MROH2B: variants seen among roughly 807,000 people sequenced by gnomAD.
The protein encoded by MROH2B is maestro heat-like repeat-containing protein family member 2B.
MROH2B carries 177 observed loss-of-function variants against 208.6 expected under a neutral mutation model. The ratio of observed to expected loss-of-function variants is 0.85; its 90% CI spans 0.75 to 0.96. The LOEUF (loss-of-function observed/expected upper bound fraction) is 0.96, where lower values mean the gene tolerates loss of function less well. MROH2B is among the 40% of genes least tolerant of loss of function. MROH2B has a pLI of 0.00. For missense variants in MROH2B, 2,002 were observed against 1,878.7 expected (o/e 1.07, Z -1.21); for synonymous variants, 728 against 659.0 (o/e 1.10, Z -1.60).
chr5:41,058,332 A>G, intron 6 of MROH2B, 129 bp from the exon 7 acceptor site: 1 of 902,420 alleles, frequency 1.1e-6, no homozygotes, highest in South Asian at 3.0e-5. Context: ...ATAATTCTTT[A>G]AATTCTTTAA....
At chr5:41,018,056 A>G in intron 27 of MROH2B, 86 bp from the exon 28 acceptor site, 2 of 1,469,060 alleles carry the variant, frequency 1.4e-6, no homozygotes, top group Non-Finnish European at 1.8e-6. Context: ...CAAGTCTCTT[A>G]TTTTCTCTCT....
intron 5 of MROH2B, among the ~76,000 whole-genome samples, 171 bp from the exon 6 acceptor site, chr5:41,061,895 G>A (rs1271835041): frequency 6.6e-6 from 1 of 152,192 alleles, no homozygotes; most frequent in East Asian, 1.9e-4. Context: ...AAAGTGAAAT[G>A]CAAATTAAAA....
At chr5:41,000,005 G>T in intron 39 of MROH2B, 3 of 699,788 alleles carry the variant, frequency 4.3e-6, no homozygotes, top group Non-Finnish European at 7.1e-6. Flanking sequence ...GAACCAAGGA[G>T]AATATATCCC....
intron 6 of MROH2B, among the ~76,000 whole-genome samples, chr5:41,058,821 C>G (rs956801198): frequency 1.5e-4 from 23 of 151,752 alleles, no homozygotes; most frequent in African/African-American, 5.1e-4. Context: ...CCGAGGCAGG[C>G]GGATCGCCTG....
intron 9 of MROH2B, among the ~76,000 whole-genome samples, chr5:41,056,721 G>A (rs987125699): frequency 6.7e-6 from 1 of 149,486 alleles, no homozygotes; most frequent in Admixed American, 6.7e-5. Context: ...GAGATGACCA[G>A]GAAGAGAAAA....
At chr5:41,020,006 C>G (rs1187193099) in intron 24 of MROH2B, among the ~76,000 whole-genome samples, 1 of 152,040 alleles carries the variant, frequency 6.6e-6, no homozygotes, top group Non-Finnish European at 1.5e-5. Context: ...CCCTTGACAA[C>G]CACTGATTTG....
At chr5:41,059,422 A>C (rs1402998233) in intron 6 of MROH2B, among the ~76,000 whole-genome samples, 1 of 152,118 alleles carries the variant, frequency 6.6e-6, no homozygotes, top group Non-Finnish European at 1.5e-5. Flanking sequence ...ATGAATTTTA[A>C]TTTCTTAAAA....
At chr5:41,047,805 A>T in intron 16 of MROH2B, 41 bp from the exon 17 acceptor site, 8 of 1,536,142 alleles carry the variant, frequency 5.2e-6, no homozygotes, top group Non-Finnish European at 7.1e-6. Context: ...AAAAAACAAA[A>T]CCACCCCAAG....
chr5:41,016,498 G>GTTTTTTTTT (rs10689623), intron 28 of MROH2B, among the ~76,000 whole-genome samples: 19 of 80,794 alleles, frequency 2.4e-4, no homozygotes, highest in Non-Finnish European at 2.6e-4. Context: ...CTACTGTAAT[G>GTTTTTTTTT]TTTTTTTTTT....
At chr5:41,004,946 G>C in intron 35 of MROH2B, 26 bp from the exon 36 acceptor site, 1 of 1,610,366 alleles carries the variant, frequency 6.2e-7, no homozygotes, top group Non-Finnish European at 8.5e-7. Context: ...CACTCCTCCC[G>C]TTTAGTTAAG....
At chr5:41,034,080 A>T in intron 21 of MROH2B, 16 of 984,706 alleles carry the variant, frequency 1.6e-5, no homozygotes, top group Non-Finnish European at 1.8e-5. Context: ...CCCCCAGGTA[A>T]GTCATGAGTA....
chr5:41,016,498 G>GTTTTTTTTTTTTT lies in MROH2B; in HGVS notation c.2885-1033_2885-1021dup, dbSNP rs10689623. ...GGCATATTTCTGTTACTACTGTAATGTTTTTTTTTTTTTTTTTTTTTTTTG... is the reference window on the plus strand; with the variant it reads ...GGCATATTTCTGTTACTACTGTAATGTTTTTTTTTTTTTTTTTTTTTTTTTTTTTTTTTTTTTG... On this transcript the variant is annotated intron_variant, in intron 28 of 41. Coordinates refer to ENST00000399564, the MANE Select transcript of MROH2B (RefSeq NM_173489.5). Among the ~76,000 whole-genome samples, 5 of 80,778 alleles carry GTTTTTTTTTTTTT rather than the reference G, an allele frequency of 6.2e-5. 1 individual carries two copies. Among genetic ancestry groups the GTTTTTTTTTTTTT allele is most frequent in the East Asian group, 8.6e-4 (2 of 2,334 alleles). 53.0% of individuals were successfully genotyped at this position (80,778 alleles called of 152,430 possible). A position where few individuals can be genotyped will look rare whatever the true frequency, so the allele number is the denominator to read the frequency against.
chr5:41,022,503 G>C lies in MROH2B; in HGVS notation c.2442-3485C>G, dbSNP rs541400213. 3.3e-4 allele frequency among the ~76,000 whole-genome samples: 50 copies of C among 152,344 alleles called. 1 individual carries two copies. Among genetic ancestry groups the C allele is most frequent in the African/African-American group, 1.2e-3 (48 of 41,582 alleles). ...GCAAGGTGGCAGCGAGGCTGGGGGA[G>C]GGGCGCCCGCCATTGCTGAGGCTTG... is the stretch of plus-strand genomic sequence containing the variant. On this transcript the variant is annotated intron_variant, in intron 24 of 41. Transcript: ENST00000399564.
At chr5:41,065,080 G>C (rs1406848749) in intron 4 of MROH2B, among the ~76,000 whole-genome samples, 1 of 152,182 alleles carries the variant, frequency 6.6e-6, no homozygotes, top group East Asian at 1.9e-4. Context: ...ATGTGCTTCT[G>C]CAAATGCAAA....
chr5:41,026,313 A>T (rs1444532421), intron 24 of MROH2B, among the ~76,000 whole-genome samples: 4 of 152,230 alleles, frequency 2.6e-5, no homozygotes, highest in Non-Finnish European at 2.9e-5. Context: ...AAATCTACTT[A>T]AGCTGATAAG....
In MROH2B at chr5:41,007,382, C is replaced by G; in HGVS notation, c.3681G>C (p.Glu1227Asp). 1.3e-6 allele frequency: 2 copies of G among 1,553,228 alleles called. No homozygotes were observed. The highest frequency in any genetic ancestry group is 1.7e-6 in the Non-Finnish European group (2 of 1,147,418). Residue 1227 changes from glutamate (E) to aspartate (D), a missense_variant, in exon 34 of 42, where the codon GAG becomes GAC. Coordinates refer to ENST00000399564, the MANE Select transcript of MROH2B (RefSeq NM_173489.5). ...TGAGTAGAGTCCATAAGTTGTCCCC[C>G]TCATCAGATTCCTTTGCAAGGCCTT... is the stretch of plus-strand genomic sequence containing the variant. ...MREGLAKESD[E>D]GDNLWTLLSS...
chr5:41,000,936 G>A (rs1579895946), intron 37 of MROH2B, 103 bp from the exon 38 acceptor site: 1 of 1,315,120 alleles, frequency 7.6e-7, no homozygotes, highest in Non-Finnish European at 1.0e-6. Context: ...AGCAAAAGAA[G>A]GCTGGAACCC....
At chr5:41,007,140 C>G (rs956015485) in intron 34 of MROH2B, among the ~76,000 whole-genome samples, 174 bp downstream of exon 34, 3 of 152,154 alleles carry the variant, frequency 2.0e-5, no homozygotes, top group East Asian at 3.9e-4. Context: ...GTGTGTGGGG[C>G]TGATCTTACC....
chr5:41,042,104 C>T lies in MROH2B; in HGVS notation c.1941G>A (p.Gly647=). 1.3e-6 allele frequency: 2 copies of T among 1,584,934 alleles called. No homozygotes were observed. The highest frequency in any genetic ancestry group is 1.7e-6 in the Non-Finnish European group (2 of 1,163,498). Residue 647 remains glycine (G), a synonymous_variant, in exon 19 of 42, where the codon GGG becomes GGA. Transcript: ENST00000399564. ...KEFLTAPNQL[G]DQRQGITSIL... Reference sequence around the variant, plus strand: ...CAAGGGGTCCCACCTGTCTTTGATCCCCCAGTTGGTTGGGAGCAGTCAGAA... The same window carrying T: ...CAAGGGGTCCCACCTGTCTTTGATCTCCCAGTTGGTTGGGAGCAGTCAGAA...
Sources: allele counts gnomAD v4.1 joint callset (sites outside exome capture counted in the v4.1 genomes callset), GRCh38; gene constraint gnomAD v4.1.1; transcripts MANE v1.5; gene names NCBI Gene and HGNC (gene_info 2026-07-23, HGNC 2026-07-21).